The following CDRT4 variants were observed in gnomAD, a reference collection of about 807,000 sequenced individuals.
The protein encoded by CDRT4 is CMT1A duplicated region transcript 4 protein.
For missense variants in CDRT4, 167 were observed against 193.1 expected (o/e 0.87, Z 0.80); for synonymous variants, 64 against 69.6 (o/e 0.92, Z 0.40).
intron 2 of CDRT4, among the ~76,000 whole-genome samples, chr17:15,441,484 G>A (rs1414740700): frequency 6.6e-6 from 1 of 152,086 alleles, no homozygotes; most frequent in Non-Finnish European, 1.5e-5. Flanking sequence ...TGGGTGTTAA[G>A]CCTTTTTTAT....
At chr17:15,465,927 G>C (rs1193021778) in intron 1 of CDRT4, among the ~76,000 whole-genome samples, 1 of 152,164 alleles carries the variant, frequency 6.6e-6, no homozygotes, top group Non-Finnish European at 1.5e-5. Flanking sequence ...GCACCTGGGG[G>C]CAGATCCAGT....
intron 1 of CDRT4, among the ~76,000 whole-genome samples, chr17:15,463,829 T>C (rs996255487): frequency 1.3e-5 from 2 of 152,180 alleles, no homozygotes; most frequent in African/African-American, 2.4e-5. Context: ...AAATGGGGTC[T>C]GAGGGAGCCC....
chr17:15,451,658 C>T lies in CDRT4; in HGVS notation c.-48+1346G>A, dbSNP rs140329386. On this transcript the variant is annotated intron_variant, in intron 2 of 3. Transcript: ENST00000619038. ...TTGTTCCCACCTCAGGGTCCTTCCC[C>T]AGCTACTGCCTCTGCCTGGGATGCA... Among the ~76,000 whole-genome samples the T allele has an allele frequency of 5.2e-3, 799 of 152,294 alleles. 6 individuals are homozygous for T. Among genetic ancestry groups the T allele is most frequent in the Middle Eastern group, 0.024 (7 of 294 alleles).
At chr17:15,462,296 C>T (rs541690814) in intron 1 of CDRT4, among the ~76,000 whole-genome samples, 6 of 151,896 alleles carry the variant, frequency 4.0e-5, no homozygotes, top group Non-Finnish European at 7.4e-5. Context: ...GCCGTGGTGG[C>T]GGGCACCTGT....
intron 2 of CDRT4, among the ~76,000 whole-genome samples, chr17:15,449,213 A>G (rs1979159143): frequency 6.6e-6 from 1 of 152,194 alleles, no homozygotes; most frequent in Non-Finnish European, 1.5e-5. Flanking sequence ...TAACATTTCT[A>G]TGCCGTGTGG....
At chr17:15,451,596 A>C (rs562368996) in intron 2 of CDRT4, among the ~76,000 whole-genome samples, 12 of 152,254 alleles carry the variant, frequency 7.9e-5, no homozygotes, top group Non-Finnish European at 1.2e-4. Flanking sequence ...GTGCCCGGCC[A>C]CACTGGCCTT....
At chr17:15,452,293 T>C (rs1361388168) in intron 2 of CDRT4, among the ~76,000 whole-genome samples, 1 of 152,246 alleles carries the variant, frequency 6.6e-6, no homozygotes, top group East Asian at 1.9e-4. Context: ...ATGATACATG[T>C]CCCAGTAGGT....
At chr17:15,463,944 C>A (rs769653033) in intron 1 of CDRT4, among the ~76,000 whole-genome samples, 1 of 152,050 alleles carries the variant, frequency 6.6e-6, no homozygotes, top group Non-Finnish European at 1.5e-5. Context: ...CAGCAAGGGT[C>A]CAAGTCAGGC....
intron 2 of CDRT4, among the ~76,000 whole-genome samples, chr17:15,447,789 G>A (rs1006955095): frequency 8.5e-5 from 13 of 152,132 alleles, no homozygotes; most frequent in African/African-American, 3.1e-4. Context: ...AACTAGCCAA[G>A]CAGGCATAAT....
intron 1 of CDRT4, among the ~76,000 whole-genome samples, chr17:15,459,824 T>C (rs532755919): frequency 6.6e-6 from 1 of 152,114 alleles, no homozygotes; most frequent in East Asian, 1.9e-4. Flanking sequence ...ATGACTTCCA[T>C]GCTGCCATAC....
rs1381310844 is a variant in CDRT4, at chr17:15,457,058, A to AG, written c.-129-3974_-129-3973insC. Among the ~76,000 whole-genome samples the AG allele has an allele frequency of 5.5e-4, 84 of 152,188 alleles. 1 individual carries two copies. Among genetic ancestry groups the AG allele is most frequent in the Admixed American group, 3.7e-3 (57 of 15,296 alleles). On this transcript the variant is annotated intron_variant, in intron 1 of 3. Coordinates refer to ENST00000619038, the MANE Select transcript of CDRT4 (RefSeq NM_001204477.2). ...TAGGGACGAGCCCTTCCAGTCCAACATCTCAGCCCTCGCGCTACTTTGCCT... is the reference window on the plus strand; with the variant it reads ...TAGGGACGAGCCCTTCCAGTCCAACAGTCTCAGCCCTCGCGCTACTTTGCCT...
At chr17:15,444,714 CAGAGAGAGAGAGAGAG>C (rs59581257) in intron 2 of CDRT4, among the ~76,000 whole-genome samples, 1 of 135,856 alleles carries the variant, frequency 7.4e-6, no homozygotes, top group African/African-American at 2.9e-5. Flanking sequence ...TAGCCAAGCG[CAGAGAGAGAGAGAGAG>C]AGAGAGAGAG....
intron 2 of CDRT4, among the ~76,000 whole-genome samples, chr17:15,444,578 C>A (rs925541868): frequency 6.6e-6 from 1 of 152,070 alleles, no homozygotes; most frequent in Non-Finnish European, 1.5e-5. Flanking sequence ...AAGAACCGGG[C>A]GCGGTGGCTC....
intron 1 of CDRT4, among the ~76,000 whole-genome samples, chr17:15,454,513 C>T (rs1434106191): frequency 6.6e-6 from 1 of 152,200 alleles, no homozygotes; most frequent in African/African-American, 2.4e-5. Flanking sequence ...CACATACAGG[C>T]ACACTCCTGT....
intron 1 of CDRT4, among the ~76,000 whole-genome samples, chr17:15,453,509 G>A (rs1038946520): frequency 1.3e-5 from 2 of 152,132 alleles, no homozygotes; most frequent in African/African-American, 2.4e-5. Context: ...ATCCGGGAAC[G>A]GGCCCTTCAT....
chr17:15,439,667 T>C (rs1389094547), intron 3 of CDRT4, among the ~76,000 whole-genome samples: 5 of 152,082 alleles, frequency 3.3e-5, no homozygotes, highest in East Asian at 3.9e-4. Context: ...CTATTCACAA[T>C]AGCAAAGACT....
intron 2 of CDRT4, among the ~76,000 whole-genome samples, chr17:15,441,554 C>A (rs549030922): frequency 6.6e-6 from 1 of 152,268 alleles, no homozygotes; most frequent in South Asian, 2.1e-4. Context: ...CCGAGATAAG[C>A]AGTTCCCAGG....
chr17:15,442,719 G>C (rs1428712360), intron 2 of CDRT4, among the ~76,000 whole-genome samples: 1 of 152,146 alleles, frequency 6.6e-6, no homozygotes, highest in Non-Finnish European at 1.5e-5. Flanking sequence ...ACGAATGGTG[G>C]GTTTTTCTCG....
chr17:15,449,641 T>C (rs1475830205), intron 2 of CDRT4, among the ~76,000 whole-genome samples: 1 of 152,198 alleles, frequency 6.6e-6, no homozygotes, highest in Non-Finnish European at 1.5e-5. Context: ...CTTGGGATCC[T>C]GGTGAACCCA....
Sources: gnomAD v4.1 joint callset for allele counts (sites outside exome capture counted in the v4.1 genomes callset) on GRCh38, gnomAD v4.1.1 for gene constraint, MANE v1.5 for transcripts, NCBI Gene and HGNC (gene_info 2026-07-23, HGNC 2026-07-21) for gene names.